The following OR7E24 variants were observed in gnomAD, a reference collection of about 807,000 sequenced individuals.
OR7E24 encodes olfactory receptor family 7 subfamily E member 24.
For synonymous variants in OR7E24, 130 were observed against 157.5 expected, an observed-to-expected ratio of 0.83 and a Z score of 1.31; for missense variants, 385 against 410.3, an observed-to-expected ratio of 0.94 and a Z score of 0.53.
chr19:9,217,775 G>A, the OR7E24 span, among the ~76,000 whole-genome samples: 1 of 152,146 alleles, frequency 6.6e-6, no homozygotes, highest in Admixed American at 6.5e-5. Context: ...CTGACCTCAA[G>A]TGATCTGCCC....
At chr19:9,219,146 A>T in the OR7E24 span, 1 of 152,144 alleles carries the variant, frequency 6.6e-6, no homozygotes, top group Non-Finnish European at 1.5e-5. Context: ...CTGCCAGGAA[A>T]AATATAGAAT....
chr19:9,252,252 C>T lies in OR7E24; in HGVS notation c.*189C>T. 1.8e-6 allele frequency: 1 copy of T among 541,996 alleles called. No individual in the cohort carries two copies. The highest frequency in any genetic ancestry group is 3.2e-5 in the Admixed American group (1 of 30,796). 33.6% of individuals were successfully genotyped at this position (541,996 alleles called of 1,614,324 possible). ...TCATCATACACATCATGAATGATTC[C>T]AATATACCTAGACAGCCTCCTTTAG... On this transcript the variant is annotated 3_prime_UTR_variant, in exon 1 of 1. Transcript: ENST00000456448.
the OR7E24 span, among the ~76,000 whole-genome samples, chr19:9,227,664 T>C: frequency 1.3e-5 from 2 of 152,098 alleles, no homozygotes; most frequent in African/African-American, 4.8e-5. Context: ...AGTGAACATA[T>C]ACATCCATGT....
upstream of OR7E24, among the ~76,000 whole-genome samples, chr19:9,250,527 T>A (rs1391787876): frequency 6.6e-6 from 1 of 152,212 alleles, no homozygotes; most frequent in African/African-American, 2.4e-5. Flanking sequence ...AACGTAAGAA[T>A]GATGGAAACC....
In OR7E24 at chr19:9,251,155, G is replaced by C; in HGVS notation, c.112G>C (p.Asp38His). The C allele has an allele frequency of 6.2e-7, 1 of 1,613,812 alleles. No individual in the cohort carries two copies. The highest frequency in any genetic ancestry group is 8.5e-7 in the Non-Finnish European group (1 of 1,179,910). The change falls in exon 1 of 1, where the codon GAT (aspartate) becomes CAT (histidine). Residue 38 changes from aspartate (D) to histidine (H), a missense_variant. Asp to His is a moderately conservative substitution (Grantham distance 81). Coordinates refer to ENST00000456448, the MANE Select transcript of OR7E24 (RefSeq NM_001079935.2). ...ATTCCTCCTCCTGGGACTCTCAGAG[G>C]ATCCAGAACTGCAGCCGGTCCTCGC... ...SEFLLLGLSE[D>H]PELQPVLAGL...
At chr19:9,246,006 T>TA (rs1491460525), upstream of OR7E24, among the ~76,000 whole-genome samples, 181 of 151,012 alleles carry the variant, frequency 1.2e-3, 1 homozygote, top group African/African-American at 4.3e-3. Flanking sequence ...TATATATATA[T>TA]TTTTTTTTCG....
In OR7E24 at chr19:9,252,163, T is replaced by C. The variant is rs1406494282; in HGVS notation, c.*100T>C. 8 of 930,412 alleles carry C rather than the reference T, an allele frequency of 8.6e-6. No homozygotes were observed. The African/African-American group carries it at 1.2e-4, about 13-fold the overall frequency. The allele number at this position is 930,412 out of a possible 1,614,324, so 57.6% of individuals were successfully genotyped here. A position where few individuals can be genotyped will look rare whatever the true frequency, so the allele number is the denominator to read the frequency against. On this transcript the variant is annotated 3_prime_UTR_variant, in exon 1 of 1. Transcript: ENST00000456448. ...CTTTCATTCCTCTCTGGGTTTCGTA[T>C]GTGAATATTGCTTGCTTTGTTTTGT...
the OR7E24 span, chr19:9,214,196 G>T: frequency 6.2e-7 from 1 of 1,614,132 alleles, no homozygotes. Context: ...AGGAGAAGAG[G>T]ATCCCAGCTA....
chr19:9,225,892 G>A, the OR7E24 span, among the ~76,000 whole-genome samples: 1 of 152,200 alleles, frequency 6.6e-6, no homozygotes, highest in Non-Finnish European at 1.5e-5. Flanking sequence ...TTTATTCATG[G>A]TGGAAACACT....
chr19:9,246,466 T>TTGTGTGTGTGTGTG (rs34518365), upstream of OR7E24, among the ~76,000 whole-genome samples: 46 of 131,058 alleles, frequency 3.5e-4, 1 homozygote, highest in African/African-American at 4.9e-4. Context: ...CTTAAAGGTA[T>TTGTGTGTGTGTGTG]TGTGTGTGTG....
At chr19:9,226,405 C>T in the OR7E24 span, among the ~76,000 whole-genome samples, 20 of 152,262 alleles carry the variant, frequency 1.3e-4, no homozygotes, top group East Asian at 2.9e-3. Flanking sequence ...CCGCACATTC[C>T]GTGTTTGTCC....
At chr19:9,235,251 G>T in the OR7E24 span, 27 of 1,467,392 alleles carry the variant, frequency 1.8e-5, no homozygotes, top group Non-Finnish European at 2.5e-5. Context: ...CCATGTACCT[G>T]GTCATGGTGC....
At chr19:9,223,632 G>A in the OR7E24 span, among the ~76,000 whole-genome samples, 1 of 151,586 alleles carries the variant, frequency 6.6e-6, no homozygotes, top group African/African-American at 2.4e-5. Flanking sequence ...CCTTTTTCAG[G>A]GTGTCCCTGA....
the OR7E24 span, among the ~76,000 whole-genome samples, chr19:9,232,538 CAAA>C: frequency 7.2e-3 from 448 of 62,534 alleles, 4 homozygotes; most frequent in African/African-American, 0.021. Context: ...AACTCCGTCG[CAAA>C]AAAAAAAAAA....
chr19:9,230,197 A>C, the OR7E24 span, among the ~76,000 whole-genome samples: 2 of 152,026 alleles, frequency 1.3e-5, no homozygotes, highest in Admixed American at 6.6e-5. Flanking sequence ...GGCAGGCGCC[A>C]CTACGCCTGG....
rs2144944681 is a variant in OR7E24 at position 9,251,471 on chromosome 19, C to A, written c.428C>A (p.Ala143Asp). The A allele has an allele frequency of 2.5e-6, 4 of 1,614,078 alleles. No individual in the cohort carries two copies. The highest frequency in any genetic ancestry group is 2.2e-5 in the East Asian group (1 of 44,880). Residue 143 changes from alanine to aspartate, a missense_variant, in exon 1 of 1, where the codon GCC becomes GAC. Physicochemically the swap from Ala to Asp is moderately radical, Grantham distance 126. Coordinates refer to ENST00000456448, the MANE Select transcript of OR7E24 (RefSeq NM_001079935.2). Reference sequence around the variant, plus strand: ...GTGATGGCCTATGACCGGTTTGTGGCCATCTGTCACCCCCTGCACTACCGA... The same window carrying A: ...GTGATGGCCTATGACCGGTTTGTGGACATCTGTCACCCCCTGCACTACCGA... ...LSVMAYDRFV[A>D]ICHPLHYRII... is the part of the protein sequence containing the mutation.
chr19:9,242,995 C>T (rs868472870), upstream of OR7E24, among the ~76,000 whole-genome samples: 36 of 151,940 alleles, frequency 2.4e-4, no homozygotes, highest in African/African-American at 8.5e-4. Flanking sequence ...GATCTAACCC[C>T]AGATTGTAGA....
chr19:9,229,485 A>C, the OR7E24 span, among the ~76,000 whole-genome samples: 1 of 152,000 alleles, frequency 6.6e-6, no homozygotes, highest in Non-Finnish European at 1.5e-5. Context: ...CAGTGAGCCA[A>C]GATCACACCA....
upstream of OR7E24, among the ~76,000 whole-genome samples, chr19:9,246,466 T>TTTTG (rs1555720677): frequency 3.8e-5 from 5 of 130,986 alleles, no homozygotes; most frequent in Admixed American, 2.3e-4. Flanking sequence ...CTTAAAGGTA[T>TTTTG]TGTGTGTGTG....
Sources: allele counts gnomAD v4.1 joint callset (sites outside exome capture counted in the v4.1 genomes callset), GRCh38; gene constraint gnomAD v4.1.1; transcripts MANE v1.5; gene names NCBI Gene and HGNC (gene_info 2026-07-23, HGNC 2026-07-21).